Variants in SRBD1 observed in about 807,000 individuals in gnomAD.
SRBD1 encodes S1 RNA-binding domain-containing protein 1.
SRBD1 carries 88 observed loss-of-function variants against 115.3 expected under a neutral mutation model. The ratio of observed to expected loss-of-function variants is 0.76; its 90% CI spans 0.64 to 0.91. The LOEUF (loss-of-function observed/expected upper bound fraction) is 0.91. Ranked by LOEUF, SRBD1 falls within the 40% of genes least tolerant of loss-of-function variation. The pLI is 0.00. For missense variants in SRBD1, 1,385 were observed against 1,177.4 expected (o/e 1.18, Z -2.58); for synonymous variants, 509 against 407.7 (o/e 1.25, Z -2.99).
chr2:45,544,607 T>G (rs1672049809), intron 14 of SRBD1, among the ~76,000 whole-genome samples: 1 of 152,184 alleles, frequency 6.6e-6, no homozygotes, highest in African/African-American at 2.4e-5. Context: ...AATACATAGA[T>G]TTTACACAAG....
At chr2:45,587,596 G>C (rs1300329327) in intron 4 of SRBD1, among the ~76,000 whole-genome samples, 2 of 152,128 alleles carry the variant, frequency 1.3e-5, no homozygotes, top group Non-Finnish European at 2.9e-5. Flanking sequence ...TCAAAATCAA[G>C]TCCAGATACA....
intron 16 of SRBD1, among the ~76,000 whole-genome samples, chr2:45,456,667 T>A (rs1451386196): frequency 2.2e-4 from 33 of 151,884 alleles, no homozygotes; most frequent in Admixed American, 2.1e-3. Flanking sequence ...TACAGTTGAG[T>A]AAATTTTAAT....
At chr2:45,508,680 T>C (rs138020259) in intron 14 of SRBD1, among the ~76,000 whole-genome samples, 84 of 152,212 alleles carry the variant, frequency 5.5e-4, no homozygotes, top group African/African-American at 2.0e-3. Context: ...AAACTCAATG[T>C]GTGATATGCT....
At chr2:45,519,266 C>T (rs1344123741) in intron 14 of SRBD1, among the ~76,000 whole-genome samples, 1 of 152,242 alleles carries the variant, frequency 6.6e-6, no homozygotes, top group Non-Finnish European at 1.5e-5. Context: ...TAACCCTCAT[C>T]ATACTCCTGT....
At chr2:45,605,495 T>C (rs1572833781) in intron 1 of SRBD1, 54 bp from the exon 2 acceptor site, 1 of 1,523,652 alleles carries the variant, frequency 6.6e-7, no homozygotes, top group South Asian at 1.1e-5. Flanking sequence ...TATCACTTTA[T>C]TTGGCTACAA....
At chr2:45,445,417 G>T (rs1468232357) in intron 16 of SRBD1, among the ~76,000 whole-genome samples, 3 of 151,404 alleles carry the variant, frequency 2.0e-5, no homozygotes, top group Non-Finnish European at 4.4e-5. Context: ...AATCTTGGGG[G>T]GAGTCACATG....
chr2:45,547,663 A>T, intron 12 of SRBD1, 51 bp from the exon 13 acceptor site: 1 of 1,470,586 alleles, frequency 6.8e-7, no homozygotes. Context: ...ACAAAGTGAA[A>T]CACATGAATG....
chr2:45,532,491 T>C (rs990125788), intron 14 of SRBD1, among the ~76,000 whole-genome samples: 1 of 151,760 alleles, frequency 6.6e-6, no homozygotes, highest in African/African-American at 2.4e-5. Context: ...GAGTAGAGAA[T>C]AAATAAAAGC....
intron 16 of SRBD1, among the ~76,000 whole-genome samples, chr2:45,456,504 T>C (rs1019932229): frequency 4.6e-5 from 7 of 151,936 alleles, no homozygotes; most frequent in African/African-American, 1.4e-4. Flanking sequence ...AAAATATTAA[T>C]GGCTACTGTC....
In SRBD1 at chr2:45,599,736, C is replaced by T; in HGVS notation, c.361G>A (p.Ala121Thr). 6.2e-7 allele frequency: 1 copy of T among 1,614,208 alleles called. No homozygotes were observed. The change falls in exon 4 of 21, where the codon GCA becomes ACA. Residue 121 changes from alanine to threonine, a missense_variant. By Grantham distance (58) the Ala-to-Thr change is moderately conservative (BLOSUM62 0). Transcript: ENST00000263736. ...LKTAKTKQKC[A>T]AQPHTVRRTK... is the part of the protein sequence containing the mutation. The stretch of plus-strand genomic sequence containing the variant: ...CTTCGAACTGTATGTGGCTGCGCTG[C>T]ACATTTCTGTTTTGTCTTGGCTGTT...
At chr2:45,551,330 C>G in intron 11 of SRBD1, 48 bp from the exon 12 acceptor site, 1 of 1,551,340 alleles carries the variant, frequency 6.4e-7, no homozygotes, top group Non-Finnish European at 8.6e-7. Flanking sequence ...CCCAAATTTT[C>G]TTTCCAGAAA....
chr2:45,415,980 A>C (rs1461715174), intron 18 of SRBD1, among the ~76,000 whole-genome samples: 1 of 152,130 alleles, frequency 6.6e-6, no homozygotes, highest in East Asian at 1.9e-4. Flanking sequence ...TCATAAGAAT[A>C]GAAGATGTAC....
intron 15 of SRBD1, among the ~76,000 whole-genome samples, chr2:45,487,017 C>G (rs1395032152): frequency 6.6e-6 from 1 of 151,868 alleles, no homozygotes; most frequent in East Asian, 1.9e-4. Flanking sequence ...AAGCAGCTTC[C>G]CAGGAGAAGC....
chr2:45,583,128 C>T (rs1673416544), intron 5 of SRBD1, among the ~76,000 whole-genome samples: 1 of 151,324 alleles, frequency 6.6e-6, no homozygotes, highest in Non-Finnish European at 1.5e-5. Context: ...AATGGTATTG[C>T]TAAAATGATG....
chr2:45,464,462 G>A (rs1207225501), intron 16 of SRBD1, among the ~76,000 whole-genome samples: 1 of 152,126 alleles, frequency 6.6e-6, no homozygotes, highest in Non-Finnish European at 1.5e-5. Context: ...TGGTTAGATG[G>A]CAAATATAAT....
intron 14 of SRBD1, among the ~76,000 whole-genome samples, chr2:45,500,346 T>C (rs80275567): frequency 0.012 from 1,799 of 152,008 alleles, 29 homozygotes; most frequent in African/African-American, 0.033. Flanking sequence ...GGTGTGTATA[T>C]GTGTGTGTGT....
chr2:45,601,936 A>G lies in SRBD1; in HGVS notation c.228T>C (p.Asp76=), dbSNP rs1238088232. Residue 76 remains aspartate (D), a synonymous_variant, in exon 3 of 21, where the codon GAT becomes GAC. Coordinates refer to ENST00000263736, the MANE Select transcript of SRBD1 (RefSeq NM_018079.5). ...RVKKNAPQIS[D]GSEVVVVKEE... ...CCTTAACAACAACGACTTCTGAGCCATCACTGATCTGTGGGGCATTCTTCT... is the reference window on the plus strand; with the variant it reads ...CCTTAACAACAACGACTTCTGAGCCGTCACTGATCTGTGGGGCATTCTTCT... 1.2e-6 allele frequency: 2 copies of G among 1,614,058 alleles called. No homozygotes were observed. Among genetic ancestry groups the G allele is most frequent in the Non-Finnish European group, 1.7e-6 (2 of 1,180,018 alleles).
At chr2:45,563,258 C>A (rs556130648) in intron 9 of SRBD1, among the ~76,000 whole-genome samples, 1 of 152,072 alleles carries the variant, frequency 6.6e-6, no homozygotes, top group Non-Finnish European at 1.5e-5. Context: ...TGTGTATTAT[C>A]TTCACTTTAT....
Position 45,611,061 on chromosome 2 carries a change from T to C in SRBD1, c.-1+158A>G, listed in dbSNP as rs74927659. 3.1e-3 allele frequency among the ~76,000 whole-genome samples: 471 copies of C among 152,308 alleles called. 17 individuals carry two copies. The East Asian group carries it at 0.079, about 25-fold the overall frequency. The stretch of plus-strand genomic sequence containing the variant: ...CGGGTGGTCGGTTGTGAGAGACCGC[T>C]GACAGTAAAATGTAATGAACTTCTC... On this transcript the variant is annotated intron_variant, in intron 1 of 20. Coordinates refer to ENST00000263736, the MANE Select transcript of SRBD1 (RefSeq NM_018079.5).
Sources: gnomAD v4.1 joint callset for allele counts (sites outside exome capture counted in the v4.1 genomes callset) on GRCh38, gnomAD v4.1.1 for gene constraint, MANE v1.5 for transcripts, NCBI Gene and HGNC (gene_info 2026-07-23, HGNC 2026-07-21) for gene names.